KIAA1217: variants seen among roughly 807,000 people sequenced by gnomAD.
KIAA1217 encodes the protein KIAA1217.
Under a neutral mutation model 163.9 loss-of-function variants are expected in KIAA1217, and 88 were observed. That is an observed-to-expected ratio of 0.54 (90% CI 0.45 to 0.64). The LOEUF (loss-of-function observed/expected upper bound fraction) is 0.64. KIAA1217 is among the 30% of genes least tolerant of loss of function. KIAA1217 has a pLI of 0.00. For synonymous variants in KIAA1217, 903 were observed against 923.1 expected (o/e 0.98, Z 0.39); for missense variants, 2,372 against 2,475.0 (o/e 0.96, Z 0.88).
chr10:24,126,150 A>G (rs1393734449), intron 2 of KIAA1217, among the ~76,000 whole-genome samples: 10 of 152,206 alleles, frequency 6.6e-5, no homozygotes, highest in Admixed American at 6.5e-4. Context: ...AGAAATTTAT[A>G]TTAAACGTGT....
At chr10:23,914,546 C>T (rs775396837) in intron 1 of KIAA1217, among the ~76,000 whole-genome samples, 2 of 152,062 alleles carry the variant, frequency 1.3e-5, no homozygotes, top group Non-Finnish European at 2.9e-5. Flanking sequence ...AACTCCTGGC[C>T]TCAAGTGATC....
chr10:24,006,376 T>C (rs185482327), intron 1 of KIAA1217, among the ~76,000 whole-genome samples: 73 of 152,312 alleles, frequency 4.8e-4, no homozygotes, highest in Non-Finnish European at 8.7e-4. Flanking sequence ...AATATGTTTC[T>C]CAGGATCCTA....
chr10:23,695,380 G>T lies in KIAA1217; in HGVS notation c.-321+146G>T, dbSNP rs1037293276. 1 of 152,396 alleles carries T rather than the reference G, an allele frequency of 6.6e-6. No homozygotes were observed. Among genetic ancestry groups the T allele is most frequent in the Admixed American group, 6.5e-5 (1 of 15,286 alleles). 9.4% of individuals were successfully genotyped at this position (152,396 alleles called of 1,614,324 possible). A position where few individuals can be genotyped will look rare whatever the true frequency, so the allele number is the denominator to read the frequency against. On this transcript the variant is annotated intron_variant, in intron 1 of 18. Transcript: ENST00000376462. The surrounding 1 kb of genome is among the most constrained non-coding windows in gnomAD (Gnocchi z 4.9). Reference sequence around the variant, plus strand: ...AGAGCAAGTGAGCGTTTCGAGAGAGGGCAAGGACCCCCCCAGGAGGGCCAG... The same window carrying T: ...AGAGCAAGTGAGCGTTTCGAGAGAGTGCAAGGACCCCCCCAGGAGGGCCAG...
intron 2 of KIAA1217, among the ~76,000 whole-genome samples, chr10:24,035,057 C>A (rs1848337070): frequency 1.3e-5 from 2 of 152,090 alleles, no homozygotes; most frequent in Non-Finnish European, 2.9e-5. Flanking sequence ...TGGATTGCGG[C>A]CAGACTTTTT....
intron 1 of KIAA1217, among the ~76,000 whole-genome samples, chr10:23,930,087 G>A (rs7068148): frequency 0.17 from 25,249 of 151,944 alleles, 4,679 homozygotes; most frequent in African/African-American, 0.46. Flanking sequence ...ATTCTGACTG[G>A]TGTGAGATGA....
At chr10:24,501,250 A>ATATGAATCACACAGTGTTATGG in intron 8 of KIAA1217, 129 bp from the exon 9 acceptor site, 1 of 713,228 alleles carries the variant, frequency 1.4e-6, no homozygotes, top group Non-Finnish European at 2.3e-6. Flanking sequence ...TGATTCATAT[A>ATATGAATCACACAGTGTTATGG]TATGCATATT....
intron 1 of KIAA1217, among the ~76,000 whole-genome samples, chr10:23,839,399 G>A (rs1186101967): frequency 1.3e-5 from 2 of 151,922 alleles, no homozygotes; most frequent in South Asian, 4.2e-4. Context: ...TTTTTTTCCT[G>A]TTTCTCTTCT....
chr10:23,788,639 T>G (rs1178700243), intron 1 of KIAA1217, among the ~76,000 whole-genome samples: 1 of 152,232 alleles, frequency 6.6e-6, no homozygotes, highest in Non-Finnish European at 1.5e-5. Flanking sequence ...CTGATGGGAT[T>G]TTGATATGCA....
rs2075398938 is a variant in KIAA1217 at position 24,543,900 on chromosome 10, A to G, written c.4630A>G (p.Asn1544Asp). ...ACAGGAAATGAACAGAACGGAGCTG[A>G]ACAAGTTCAGCCACGTGGATTCTCC... ...GGQEMNRTEL[N>D]KFSHVDSPNS... Residue 1544 changes from asparagine to aspartate, a missense_variant, in exon 19 of 21, where the codon AAC becomes GAC. By Grantham distance (23) the Asn-to-Asp change is conservative. This residue lies in a region of KIAA1217 where 690 missense variants were observed against 677.5 expected (regional missense o/e 1.02). Transcript: ENST00000376454. 3 of 1,614,104 alleles carry G rather than the reference A, an allele frequency of 1.9e-6. No homozygotes were observed. Among genetic ancestry groups the G allele is most frequent in the Non-Finnish European group, 2.5e-6 (3 of 1,180,026 alleles).
chr10:24,212,513 A>G (rs548867523), intron 1 of KIAA1217, among the ~76,000 whole-genome samples: 12 of 152,316 alleles, frequency 7.9e-5, no homozygotes, highest in African/African-American at 2.4e-4. Flanking sequence ...TCCAGCATCT[A>G]GAGGTCAGGG....
intron 1 of KIAA1217, among the ~76,000 whole-genome samples, chr10:23,984,457 T>A (rs1443948866): frequency 6.6e-6 from 1 of 152,208 alleles, no homozygotes; most frequent in East Asian, 1.9e-4. Flanking sequence ...TAAAGGCACA[T>A]GCATAAGTAT....
chr10:24,328,502 T>G (rs77311453), intron 2 of KIAA1217, among the ~76,000 whole-genome samples: 1 of 6,974 alleles, frequency 1.4e-4, no homozygotes. Context: ...GTTTTTATGT[T>G]TTTTTTTTTC....
chr10:24,427,108 C>A (rs1200953697), intron 3 of KIAA1217, among the ~76,000 whole-genome samples: 1 of 151,964 alleles, frequency 6.6e-6, no homozygotes, highest in African/African-American at 2.4e-5. Flanking sequence ...GTGAAAGAAC[C>A]CTTCAGTGTT....
rs183361430 is a variant in KIAA1217 at position 24,090,377 on chromosome 10, G to T, written c.-171+83003G>T. Among the ~76,000 whole-genome samples, 16 of 104,482 alleles carry T rather than the reference G, an allele frequency of 1.5e-4. No homozygotes were observed. In the Admixed American group the frequency reaches 1.7e-3, roughly 11 times the overall value. 68.5% of individuals were successfully genotyped at this position (104,482 alleles called of 152,430 possible). ...TTTTTTTTTGAAGAGACAGGGTCTT[G>T]CTATATTACCCAGGCTGGTCTCAAA... On this transcript the variant is annotated intron_variant, in intron 2 of 18. Coordinates refer to the KIAA1217 transcript ENST00000376462.
chr10:24,203,345 A>G (rs986169218), intron 2 of KIAA1217, among the ~76,000 whole-genome samples: 1 of 152,170 alleles, frequency 6.6e-6, no homozygotes, highest in Admixed American at 6.5e-5. Context: ...ATCCTAAGGT[A>G]TTCATCAAGT....
chr10:23,897,621 G>T lies in KIAA1217; in HGVS notation c.-320-109604G>T, dbSNP rs1841763041. On this transcript the variant is annotated intron_variant, in intron 1 of 18. Transcript: ENST00000376462. ...CTGTATTGAATGTGCTCTTATATAG[G>T]CCCCTGGGAGCTACACGGAACCGAG... is the stretch of plus-strand genomic sequence containing the variant. Among the ~76,000 whole-genome samples the T allele has an allele frequency of 2.0e-5, 3 of 151,976 alleles. No individual in the cohort carries two copies. The South Asian group carries it at 6.2e-4, about 31-fold the overall frequency.
At chr10:23,897,025 T>A (rs1191466690) in intron 1 of KIAA1217, among the ~76,000 whole-genome samples, 1 of 152,180 alleles carries the variant, frequency 6.6e-6, no homozygotes, top group African/African-American at 2.4e-5. Context: ...TACATTTTGT[T>A]AATAACACTT....
At position 23,776,270 on chromosome 10, in the gene KIAA1217, T is replaced by C. The variant is rs886657397; in HGVS notation, c.-321+81036T>C. 3.3e-5 allele frequency among the ~76,000 whole-genome samples: 5 copies of C among 152,074 alleles called. No homozygotes were observed. In the East Asian group the frequency reaches 5.8e-4, roughly 18 times the overall value. On this transcript the variant is annotated intron_variant, in intron 1 of 18. Coordinates refer to the KIAA1217 transcript ENST00000376462. ...CCAAAGGACACTGGTAACAGTGTAG[T>C]TTATAACTTAATTCCTTTTAAAGTA...
At chr10:24,287,976 A>G (rs1428031898) in intron 2 of KIAA1217, among the ~76,000 whole-genome samples, 1 of 152,236 alleles carries the variant, frequency 6.6e-6, no homozygotes, top group Non-Finnish European at 1.5e-5. Context: ...TTGGAAGGGC[A>G]TCTCAGGTCA....
Sources: allele counts gnomAD v4.1 joint callset (sites outside exome capture counted in the v4.1 genomes callset), GRCh38; gene constraint gnomAD v4.1.1; regional missense constraint gnomAD v4.1.1; non-coding constraint Gnocchi (gnomAD v3.1); transcripts MANE v1.5; gene names NCBI Gene and HGNC (gene_info 2026-07-23, HGNC 2026-07-21).